The following ZNF26 variants were observed in gnomAD, a reference collection of about 807,000 sequenced individuals.
ZNF26 encodes the protein zinc finger protein 26.
Under a neutral mutation model 54.9 loss-of-function variants are expected in ZNF26, and 32 were observed. The ratio of observed to expected loss-of-function variants is 0.58; its 90% CI spans 0.44 to 0.78. The LOEUF is 0.78. Ranked by LOEUF, ZNF26 falls within the 30% of genes least tolerant of loss-of-function variation. The pLI is 0.00. For synonymous variants in ZNF26, 221 were observed against 209.2 expected (o/e 1.06, Z -0.49); for missense variants, 524 against 634.0 (o/e 0.83, Z 1.86).
rs1448698946 is a variant in ZNF26 at position 133,001,445 on chromosome 12, C to T, written c.34-5597C>T. The stretch of plus-strand genomic sequence containing the variant: ...GAAAATCAGTGGTTAGAGAAAAAGA[C>T]ACAGAGTCTCCTGTTGTGCGGTGGT... On this transcript the variant is annotated intron_variant, in intron 1 of 3. Coordinates refer to ENST00000328654, the MANE Select transcript of ZNF26 (RefSeq NM_019591.4). The surrounding 1 kb of genome is among the most constrained non-coding windows in gnomAD (Gnocchi z 4.7). Among the ~76,000 whole-genome samples, 3 of 152,192 alleles carry T rather than the reference C, an allele frequency of 2.0e-5. No individual in the cohort carries two copies. Among genetic ancestry groups the T allele is most frequent in the African/African-American group, 7.2e-5 (3 of 41,458 alleles).
intron 1 of ZNF26, among the ~76,000 whole-genome samples, chr12:132,993,342 A>G (rs1257904699): frequency 2.0e-5 from 3 of 151,272 alleles, no homozygotes; most frequent in Non-Finnish European, 4.4e-5. Flanking sequence ...CTGTTCTTAC[A>G]TGCTGCCTAC....
Position 133,020,955 on chromosome 12 carries a change from T to G in ZNF26, c.*9474T>G, listed in dbSNP as rs1027769160. 5.3e-5 allele frequency: 8 copies of G among 152,152 alleles called. No homozygotes were observed. 9.4% of individuals were successfully genotyped at this position (152,152 alleles called of 1,614,324 possible). A position where few individuals can be genotyped will look rare whatever the true frequency, so the allele number is the denominator to read the frequency against. On this transcript the variant is annotated 3_prime_UTR_variant, in exon 4 of 4. Transcript: ENST00000328654. ...GTCCTCATTTTAACATTGTTAACTC[T>G]GTACAGACCCTCTCTCCAAATAAGG...
intron 1 of ZNF26, among the ~76,000 whole-genome samples, chr12:132,997,631 C>T (rs1953116420): frequency 6.6e-6 from 1 of 152,196 alleles, no homozygotes; most frequent in South Asian, 2.1e-4. Context: ...CAGTGGAAAA[C>T]AGATTAGGCC....
intron 1 of ZNF26, among the ~76,000 whole-genome samples, chr12:132,993,864 T>G (rs1953018233): frequency 6.6e-6 from 1 of 152,140 alleles, no homozygotes; most frequent in Non-Finnish European, 1.5e-5. Context: ...ACTAATGTGG[T>G]GATGAGATGT....
At chr12:132,993,301 A>C (rs1953003586) in intron 1 of ZNF26, among the ~76,000 whole-genome samples, 1 of 152,068 alleles carries the variant, frequency 6.6e-6, no homozygotes, top group Non-Finnish European at 1.5e-5. Flanking sequence ...CTGGGATTAC[A>C]GGTGTGAGCC....
chr12:133,012,513 T>G lies in ZNF26; in HGVS notation c.*1032T>G, dbSNP rs1953499278. ...CTGTGGATACGATCCCTTTAGAACC[T>G]GCTTCTCTGATCTGTGTGTTTCCTC... On this transcript the variant is annotated 3_prime_UTR_variant, in exon 4 of 4. Transcript: ENST00000328654. 1 of 151,786 alleles carries G rather than the reference T, an allele frequency of 6.6e-6. No homozygotes were observed. Among genetic ancestry groups the G allele is most frequent in the South Asian group, 2.1e-4 (1 of 4,802 alleles). The allele number at this position is 151,786 out of a possible 1,614,324, so 9.4% of individuals were successfully genotyped here.
rs1952820657 is a variant in ZNF26 at position 132,986,486 on chromosome 12, A to C, written c.-355A>C. ...TCTGTGGCCGCGGAGGCGCGGAGCTAAGCGGCTCGGATTATCCTGGGCAGA... is the reference window on the plus strand; with the variant it reads ...TCTGTGGCCGCGGAGGCGCGGAGCTCAGCGGCTCGGATTATCCTGGGCAGA... On this transcript the variant is annotated 5_prime_UTR_variant, in exon 1 of 4. Coordinates refer to ENST00000328654, the MANE Select transcript of ZNF26 (RefSeq NM_019591.4). The C allele has an allele frequency of 3.4e-6, 1 of 295,260 alleles. No individual in the cohort carries two copies. Among genetic ancestry groups the C allele is most frequent in the Non-Finnish European group, 6.5e-6 (1 of 154,702 alleles). 18.3% of individuals were successfully genotyped at this position (295,260 alleles called of 1,614,324 possible). A position where few individuals can be genotyped will look rare whatever the true frequency, so the allele number is the denominator to read the frequency against.
Position 133,026,806 on chromosome 12 carries a change from C to G in ZNF26, c.*15325C>G, listed in dbSNP as rs920638180. ...CCTCCCAAAGTGCTGGGATTACAGG[C>G]ATGAGCCATTGCATCTGGCCTAGTT... is the stretch of plus-strand genomic sequence containing the variant. On this transcript the variant is annotated 3_prime_UTR_variant, in exon 4 of 4. Transcript: ENST00000328654. 2 of 152,222 alleles carry G rather than the reference C, an allele frequency of 1.3e-5. No individual in the cohort carries two copies. The highest frequency in any genetic ancestry group is 3.4e-3 in the Middle Eastern group (1 of 294). 9.4% of individuals were successfully genotyped at this position (152,222 alleles called of 1,614,324 possible).
intron 1 of ZNF26, among the ~76,000 whole-genome samples, chr12:132,999,319 A>T (rs1953159321): frequency 6.6e-6 from 1 of 152,174 alleles, no homozygotes; most frequent in Admixed American, 6.5e-5. Flanking sequence ...CAGTGGCACG[A>T]TCTCAGCTCA....
At position 133,014,465 on chromosome 12, in the gene ZNF26, C is replaced by G. The variant is rs1953535803; in HGVS notation, c.*2984C>G. On this transcript the variant is annotated 3_prime_UTR_variant, in exon 4 of 4. Transcript: ENST00000328654. ...TCCTTTGAGGGTGTTCAGTGAAGGG[C>G]AATTACTTACAGCATATACTTGGTG... The G allele has an allele frequency of 6.6e-6, 1 of 151,518 alleles. No individual in the cohort carries two copies. The highest frequency in any genetic ancestry group is 2.4e-5 in the African/African-American group (1 of 41,210). 9.4% of individuals were successfully genotyped at this position (151,518 alleles called of 1,614,324 possible).
At chr12:133,007,350 G>C in intron 2 of ZNF26, 87 bp from the exon 3 acceptor site, 2 of 1,332,920 alleles carry the variant, frequency 1.5e-6, no homozygotes, top group Non-Finnish European at 2.1e-6. Context: ...CCCCAAGTGA[G>C]ATGAGCAGTT....
chr12:132,990,544 T>A (rs1321094932), intron 1 of ZNF26, among the ~76,000 whole-genome samples: 12 of 152,182 alleles, frequency 7.9e-5, no homozygotes, highest in African/African-American at 2.7e-4. Flanking sequence ...ATTAGAGCGA[T>A]GCTGTCTTTA....
rs991628302 is a variant in ZNF26, at chr12:133,017,882, G to C, written c.*6401G>C. The C allele has an allele frequency of 6.6e-6, 1 of 152,244 alleles. No homozygotes were observed. The highest frequency in any genetic ancestry group is 1.5e-5 in the Non-Finnish European group (1 of 68,074). The allele number at this position is 152,244 out of a possible 1,614,324, so 9.4% of individuals were successfully genotyped here. Reference sequence around the variant, plus strand: ...AAATTAGCGGGGCGTGGTGGCGGGCGCCTGTAGTCCCAGCTACTCGGGAGG... The same window carrying C: ...AAATTAGCGGGGCGTGGTGGCGGGCCCCTGTAGTCCCAGCTACTCGGGAGG... On this transcript the variant is annotated 3_prime_UTR_variant, in exon 4 of 4. Coordinates refer to ENST00000328654, the MANE Select transcript of ZNF26 (RefSeq NM_019591.4).
chr12:132,987,745 A>T (rs1423524682), intron 1 of ZNF26: 6 of 985,180 alleles, frequency 6.1e-6, no homozygotes, highest in Non-Finnish European at 7.2e-6. Context: ...AGTGTGACCA[A>T]CTGGAACCCT....
rs1953681365 is a variant in ZNF26 at position 133,024,808 on chromosome 12, TAGAG to T, written c.*13329_*13332del. 6.6e-6 allele frequency: 1 copy of T among 152,076 alleles called. No individual in the cohort carries two copies. The highest frequency in any genetic ancestry group is 2.4e-5 in the African/African-American group (1 of 41,414). 9.4% of individuals were successfully genotyped at this position (152,076 alleles called of 1,614,324 possible). On this transcript the variant is annotated 3_prime_UTR_variant, in exon 4 of 4. Transcript: ENST00000328654. ...CAAAAGGCCCACTGAGAGCCCATAG[TAGAG>T]AAAGTCTTATTAAGAGATTTTTGGG...
chr12:132,992,640 T>C (rs1952988127), intron 1 of ZNF26, among the ~76,000 whole-genome samples: 2 of 152,362 alleles, frequency 1.3e-5, no homozygotes, highest in East Asian at 3.9e-4. Flanking sequence ...CATTTTCGAC[T>C]TACAATATGT....
intron 1 of ZNF26, among the ~76,000 whole-genome samples, chr12:133,003,372 A>T (rs1953260977): frequency 1.3e-5 from 2 of 150,392 alleles, no homozygotes; most frequent in Admixed American, 6.7e-5. Flanking sequence ...CTCCTGCCTC[A>T]GCCTCCCGAG....
rs1593654759 is a variant in ZNF26, at chr12:133,001,985, C to A, written c.34-5057C>A. Among the ~76,000 whole-genome samples the A allele has an allele frequency of 6.6e-6, 1 of 152,212 alleles. No individual in the cohort carries two copies. The highest frequency in any genetic ancestry group is 1.9e-4 in the East Asian group (1 of 5,170). On this transcript the variant is annotated intron_variant, in intron 1 of 3. Coordinates refer to ENST00000328654, the MANE Select transcript of ZNF26 (RefSeq NM_019591.4). The surrounding 1 kb of genome is among the most constrained non-coding windows in gnomAD (Gnocchi z 4.7). ...TTGCACAGTCCCCTTTTCTTAGAGC[C>A]CCTCCTGTTTGAGAGGATGGATACC... is the stretch of plus-strand genomic sequence containing the variant.
At position 132,986,631 on chromosome 12, in the gene ZNF26, G is replaced by A; in HGVS notation, c.-210G>A. Reference sequence around the variant, plus strand: ...CACAAATCCATCCGTGCGACTCCTGGTACCCAGACCGGGAGGTTGTCTAGT... The same window carrying A: ...CACAAATCCATCCGTGCGACTCCTGATACCCAGACCGGGAGGTTGTCTAGT... On this transcript the variant is annotated 5_prime_UTR_variant, in exon 1 of 4. Coordinates refer to ENST00000328654, the MANE Select transcript of ZNF26 (RefSeq NM_019591.4). The A allele has an allele frequency of 3.3e-6, 2 of 597,948 alleles. No individual in the cohort carries two copies. The highest frequency in any genetic ancestry group is 4.0e-5 in the South Asian group (2 of 50,590). The allele number at this position is 597,948 out of a possible 1,614,324, so 37.0% of individuals were successfully genotyped here. A position where few individuals can be genotyped will look rare whatever the true frequency, so the allele number is the denominator to read the frequency against.
Sources: gnomAD v4.1 joint callset for allele counts (sites outside exome capture counted in the v4.1 genomes callset) on GRCh38, gnomAD v4.1.1 for gene constraint, Gnocchi (gnomAD v3.1) non-coding constraint, MANE v1.5 for transcripts, NCBI Gene and HGNC (gene_info 2026-07-23, HGNC 2026-07-21) for gene names.